The following RPS9 variants were observed in gnomAD, a reference collection of about 807,000 sequenced individuals.
The protein encoded by RPS9 is ribosomal protein S9, also known as small ribosomal subunit protein uS4.
A neutral mutation model predicts 16.9 loss-of-function variants in RPS9; 1 was observed. That is an observed-to-expected ratio of 0.06 (90% CI 0.02 to 0.28). The LOEUF (loss-of-function observed/expected upper bound fraction) is 0.28, where lower values mean the gene tolerates loss of function less well. Among genes scored for constraint, RPS9 ranks in the 10% least tolerant of loss-of-function variants. RPS9 has a pLI of 1.00. For synonymous variants in RPS9, 106 were observed against 110.9 expected (o/e 0.96, Z 0.28); for missense variants, 137 against 273.2 (o/e 0.50, Z 3.51).
chr19:54,202,319 G>T, intron 3 of RPS9: 1 of 539,072 alleles, frequency 1.9e-6, no homozygotes, highest in Non-Finnish European at 2.4e-6. Context: ...CTAAGTAGCT[G>T]GAATCACAGG....
chr19:54,201,778 C>T (rs2077062713), intron 3 of RPS9, 169 bp downstream of exon 3: 1 of 1,383,746 alleles, frequency 7.2e-7, no homozygotes, highest in South Asian at 1.5e-5. Context: ...CTGGATCAGT[C>T]TTTGCCCTGT....
chr19:54,201,119 G>A lies in RPS9; in HGVS notation c.-25-41G>A, dbSNP rs1029836548. 2.4e-5 allele frequency: 39 copies of A among 1,609,880 alleles called. No homozygotes were observed. The Admixed American group carries it at 5.2e-4, about 21-fold the overall frequency. On this transcript the variant is annotated intron_variant, in intron 1 of 4. Coordinates refer to ENST00000302907, the MANE Select transcript of RPS9 (RefSeq NM_001013.4). The stretch of plus-strand genomic sequence containing the variant: ...GGCGTAGTTGTGGGACTGCGCAGGC[G>A]CCGTTTGGATCCCTTACGCTCACAC...
In RPS9 at chr19:54,201,031, TACTG is replaced by T. The variant is rs575619405; in HGVS notation, c.-25-125_-25-122del. ...AGTGCAGCACGGTTGTGGGGGCAGA[TACTG>T]ACTATGAGAGCGTTGGAGGTTATTC... On this transcript the variant is annotated intron_variant, in intron 1 of 4. Coordinates refer to ENST00000302907, the MANE Select transcript of RPS9 (RefSeq NM_001013.4). 2.3e-4 allele frequency: 333 copies of T among 1,472,400 alleles called. 1 individual carries two copies. The highest frequency in any genetic ancestry group is 3.6e-4 in the Admixed American group (15 of 42,150). 91.2% of individuals were successfully genotyped at this position (1,472,400 alleles called of 1,614,324 possible).
At chr19:54,206,724 G>A in intron 4 of RPS9, 4 of 1,489,108 alleles carry the variant, frequency 2.7e-6, no homozygotes, top group Non-Finnish European at 3.6e-6. Context: ...CAGCTGGACA[G>A]GTAACAGCTC....
rs764824780 is a variant in RPS9, at chr19:54,207,578, C to T, written c.*3C>T. The stretch of plus-strand genomic sequence containing the variant: ...GAGACGACGAGGAGGAGGATTAAGT[C>T]CACCTGTCCCTCCTGGGCTGCTGGA... On this transcript the variant is annotated 3_prime_UTR_variant, in exon 5 of 5. Coordinates refer to ENST00000302907, the MANE Select transcript of RPS9 (RefSeq NM_001013.4). 12 of 1,603,440 alleles carry T rather than the reference C, an allele frequency of 7.5e-6. No homozygotes were observed. Among genetic ancestry groups the T allele is most frequent in the Non-Finnish European group, 1.0e-5 (12 of 1,174,752 alleles).
At chr19:54,204,347 G>A (rs553176102) in intron 3 of RPS9, among the ~76,000 whole-genome samples, 38 of 152,326 alleles carry the variant, frequency 2.5e-4, no homozygotes, top group African/African-American at 8.4e-4. Context: ...CCTGGGCAAC[G>A]AGAGCGAAAC....
chr19:54,202,698 C>G, intron 3 of RPS9: 1 of 985,422 alleles, frequency 1.0e-6, no homozygotes, highest in Non-Finnish European at 1.2e-6. Context: ...TGAGACGCTG[C>G]TTTTGCCTGA....
intron 3 of RPS9, chr19:54,203,219 T>C: frequency 1.0e-6 from 1 of 959,046 alleles, no homozygotes; most frequent in Non-Finnish European, 1.2e-6. Context: ...GTCTGAGGGT[T>C]ATTTGTGGTT....
Position 54,202,487 on chromosome 19 carries a change from A to C in RPS9, c.220+878A>C, listed in dbSNP as rs931559107. On this transcript the variant is annotated intron_variant, in intron 3 of 4. Coordinates refer to ENST00000302907, the MANE Select transcript of RPS9 (RefSeq NM_001013.4). ...AGAGAACCTGTAAAATGTCTCAGGG[A>C]ACAGCATTTCAGGTGATGACTTTAG... 12 of 985,030 alleles carry C rather than the reference A, an allele frequency of 1.2e-5. No individual in the cohort carries two copies. The African/African-American group carries it at 1.4e-4, about 11-fold the overall frequency. The allele number at this position is 985,030 out of a possible 1,614,324, so 61.0% of individuals were successfully genotyped here.
chr19:54,203,285 C>T, intron 3 of RPS9: 2 of 985,368 alleles, frequency 2.0e-6, no homozygotes, highest in Non-Finnish European at 2.4e-6. Context: ...GGTGAGTACA[C>T]TTTCTAGTAA....
intron 3 of RPS9, among the ~76,000 whole-genome samples, chr19:54,203,588 C>T (rs118125339): frequency 0.022 from 3,377 of 152,136 alleles, 117 homozygotes; most frequent in Admixed American, 0.099. Context: ...GCCTGGCCAA[C>T]GTGGTGAAAT....
intron 3 of RPS9, among the ~76,000 whole-genome samples, chr19:54,204,162 C>G (rs1029047904): frequency 2.0e-5 from 3 of 152,058 alleles, no homozygotes; most frequent in Non-Finnish European, 4.4e-5. Flanking sequence ...GGCGGATCAC[C>G]CGAGGTCGGG....
Position 54,207,328 on chromosome 19 carries a change from A to G in RPS9, c.408-70A>G. On this transcript the variant is annotated intron_variant, in intron 4 of 4. Transcript: ENST00000302907. ...GCCTCACGGGGTGGGTGGAGAGGAA[A>G]GAGTGGTGCGGTAGCTGGGGTTAGC... The G allele has an allele frequency of 2.2e-6, 3 of 1,369,556 alleles. No homozygotes were observed. The South Asian group carries it at 3.9e-5, about 18-fold the overall frequency. The allele number at this position is 1,369,556 out of a possible 1,614,324, so 84.8% of individuals were successfully genotyped here.
chr19:54,204,972 T>G (rs1226653451), intron 3 of RPS9, among the ~76,000 whole-genome samples: 1 of 152,168 alleles, frequency 6.6e-6, no homozygotes, highest in Admixed American at 6.6e-5. Context: ...CTGGGAAAAC[T>G]TTGGGTCCTC....
chr19:54,206,893 G>A (rs1310971192), intron 4 of RPS9: 1 of 593,256 alleles, frequency 1.7e-6, no homozygotes, highest in African/African-American at 1.9e-5. Flanking sequence ...CCATTGAGGG[G>A]GAGGAGCTGT....
chr19:54,202,199 T>C (rs2077080239), intron 3 of RPS9, among the ~76,000 whole-genome samples: 1 of 152,204 alleles, frequency 6.6e-6, no homozygotes, highest in Admixed American at 6.5e-5. Flanking sequence ...CTAATTTTAC[T>C]TTTGAGACGG....
intron 4 of RPS9, chr19:54,206,730 A>T: frequency 6.7e-7 from 1 of 1,483,160 alleles, no homozygotes; most frequent in Non-Finnish European, 8.9e-7. Context: ...GACAGGTAAC[A>T]GCTCTTGGTG....
chr19:54,202,917 C>G, intron 3 of RPS9: 1 of 979,876 alleles, frequency 1.0e-6, no homozygotes. Context: ...AGGATGGTTT[C>G]CAACTCCTAA....
intron 3 of RPS9, chr19:54,203,380 T>A (rs12980600): frequency 0.74 from 643,047 of 864,736 alleles, 241,670 homozygotes; most frequent in African/African-American, 0.96. Flanking sequence ...ATTCAGATCC[T>A]GCCTTTCCCA....
Sources: allele counts gnomAD v4.1 joint callset (sites outside exome capture counted in the v4.1 genomes callset), GRCh38; gene constraint gnomAD v4.1.1; transcripts MANE v1.5; gene names NCBI Gene and HGNC (gene_info 2026-07-23, HGNC 2026-07-21).